ST7: variants seen among roughly 807,000 people sequenced by gnomAD.
ST7 encodes the protein suppressor of tumorigenicity 7 protein.
ST7 carries 28 observed loss-of-function variants against 78.7 expected under a neutral mutation model. The ratio of observed to expected loss-of-function variants is 0.36; its 90% CI spans 0.26 to 0.49. The LOEUF is 0.49. Among genes scored for constraint, ST7 ranks in the 20% least tolerant of loss-of-function variants. The pLI is 0.99. For synonymous variants in ST7, 247 were observed against 249.6 expected (o/e 0.99, Z 0.10); for missense variants, 418 against 696.0 (o/e 0.60, Z 4.49).
At chr7:116,994,703 C>T (rs183180969) in intron 1 of ST7, among the ~76,000 whole-genome samples, 40 of 152,202 alleles carry the variant, frequency 2.6e-4, no homozygotes, top group Middle Eastern at 3.4e-3. Context: ...ATTAACCATT[C>T]GAGGGAATAC....
intron 1 of ST7, among the ~76,000 whole-genome samples, chr7:116,975,719 T>C (rs891321025): frequency 6.6e-6 from 1 of 151,928 alleles, no homozygotes; most frequent in Admixed American, 6.6e-5. Context: ...TTTTTTTTTT[T>C]CTTTGAAATT....
At chr7:117,013,156 A>G (rs562979691) in intron 1 of ST7, among the ~76,000 whole-genome samples, 48 of 152,380 alleles carry the variant, frequency 3.2e-4, no homozygotes, top group African/African-American at 1.2e-3. Flanking sequence ...GATATTTGAT[A>G]ATGGCAGTCA....
At chr7:117,032,426 C>T (rs1174802978) in intron 1 of ST7, among the ~76,000 whole-genome samples, 1 of 151,952 alleles carries the variant, frequency 6.6e-6, no homozygotes, top group African/African-American at 2.4e-5. Context: ...ACAGGATCCC[C>T]TTTTTTATTA....
At chr7:117,103,762 T>C (rs912388325) in intron 2 of ST7, among the ~76,000 whole-genome samples, 2 of 152,052 alleles carry the variant, frequency 1.3e-5, no homozygotes, top group East Asian at 1.9e-4. Flanking sequence ...TATATCAAGT[T>C]AAAAGGCTCC....
intron 9 of ST7, among the ~76,000 whole-genome samples, chr7:117,143,817 T>C (rs1169075827): frequency 6.6e-6 from 1 of 152,194 alleles, no homozygotes; most frequent in African/African-American, 2.4e-5. Context: ...TTGCTGTTCT[T>C]ACTGTTATTG....
At chr7:117,107,177 A>G (rs961839026) in intron 2 of ST7, among the ~76,000 whole-genome samples, 1 of 152,176 alleles carries the variant, frequency 6.6e-6, no homozygotes. Flanking sequence ...ATTGATGAGC[A>G]TTTGGACTGG....
intron 1 of ST7, among the ~76,000 whole-genome samples, chr7:116,960,537 A>G (rs1280577445): frequency 6.6e-6 from 1 of 152,172 alleles, no homozygotes; most frequent in African/African-American, 2.4e-5. Flanking sequence ...AATTCTGTTA[A>G]GTTTCATTTT....
intron 1 of ST7, among the ~76,000 whole-genome samples, chr7:117,005,117 C>T (rs1420876641): frequency 6.6e-6 from 1 of 152,140 alleles, no homozygotes; most frequent in Non-Finnish European, 1.5e-5. Context: ...GAAAGATATA[C>T]ACATTCCTAG....
chr7:117,018,067 C>T (rs1372247736), intron 1 of ST7, among the ~76,000 whole-genome samples: 1 of 152,156 alleles, frequency 6.6e-6, no homozygotes, highest in Non-Finnish European at 1.5e-5. Context: ...CATATACACA[C>T]CCTCTCATGT....
At chr7:117,057,913 T>C (rs188167328) in intron 1 of ST7, among the ~76,000 whole-genome samples, 2 of 152,322 alleles carry the variant, frequency 1.3e-5, no homozygotes, top group Admixed American at 6.5e-5. Context: ...CTGGTAGTTA[T>C]AGTAATCCTA....
intron 10 of ST7, among the ~76,000 whole-genome samples, chr7:117,172,248 G>A (rs1328837311): frequency 6.6e-6 from 1 of 152,132 alleles, no homozygotes; most frequent in African/African-American, 2.4e-5. Flanking sequence ...CCTGGCCATT[G>A]GGTCTTATTT....
chr7:117,099,865 C>T, intron 2 of ST7, 21 bp downstream of exon 2: 3 of 1,577,126 alleles, frequency 1.9e-6, no homozygotes, highest in Non-Finnish European at 2.6e-6. Context: ...GAGTCCTTCT[C>T]ATTTAAAAAC....
intron 1 of ST7, among the ~76,000 whole-genome samples, chr7:117,099,204 A>G (rs1004820019): frequency 6.6e-6 from 1 of 152,018 alleles, no homozygotes; most frequent in African/African-American, 2.4e-5. Flanking sequence ...AAAACCTTTT[A>G]CTCATCATAC....
At chr7:117,033,631 C>G (rs574534555) in intron 1 of ST7, among the ~76,000 whole-genome samples, 5 of 152,154 alleles carry the variant, frequency 3.3e-5, no homozygotes, top group African/African-American at 1.2e-4. Context: ...ACTGTGTTGG[C>G]CAGTCTGGTC....
At chr7:116,992,644 C>T (rs546552342) in intron 1 of ST7, among the ~76,000 whole-genome samples, 1 of 152,330 alleles carries the variant, frequency 6.6e-6, no homozygotes, top group South Asian at 2.1e-4. Flanking sequence ...GACATTTTCC[C>T]CATTGTCTTG....
chr7:117,112,624 A>G (rs1255385552), intron 2 of ST7: 1 of 152,178 alleles, frequency 6.6e-6, no homozygotes, highest in Non-Finnish European at 1.5e-5. Flanking sequence ...CTCAGGTAGC[A>G]CTTTAATTGA....
intron 1 of ST7, among the ~76,000 whole-genome samples, chr7:116,957,339 A>G (rs1345368500): frequency 6.6e-6 from 1 of 152,174 alleles, no homozygotes; most frequent in African/African-American, 2.4e-5. Context: ...GGAATAGTAC[A>G]TAGTGGCTAG....
intron 9 of ST7, among the ~76,000 whole-genome samples, chr7:117,159,671 C>T (rs1342975758): frequency 6.6e-6 from 1 of 152,098 alleles, no homozygotes; most frequent in Non-Finnish European, 1.5e-5. Context: ...TTATTTGGTA[C>T]ATTATTTTAA....
chr7:116,956,708 T>G (rs1562975404), intron 1 of ST7: 2 of 465,922 alleles, frequency 4.3e-6, no homozygotes, highest in Non-Finnish European at 8.9e-6. Flanking sequence ...TAATCCTCAT[T>G]TGATCATATT....
Sources: gnomAD v4.1 joint callset for allele counts (sites outside exome capture counted in the v4.1 genomes callset) on GRCh38, gnomAD v4.1.1 for gene constraint, MANE v1.5 for transcripts, NCBI Gene and HGNC (gene_info 2026-07-23, HGNC 2026-07-21) for gene names.